Variants in RASAL2 observed in about 807,000 individuals in gnomAD.
RASAL2 encodes ras GTPase-activating protein nGAP.
In RASAL2, 58 loss-of-function variants were observed where a neutral mutation model predicts 128.9. The ratio of observed to expected loss-of-function variants is 0.45; its 90% CI spans 0.36 to 0.56. The LOEUF (loss-of-function observed/expected upper bound fraction) is 0.56, where lower values mean the gene tolerates loss of function less well. RASAL2 is among the 20% of genes least tolerant of loss of function. The probability of loss-of-function intolerance (pLI) is 0.00; values close to 1 mark genes in which losing one functional copy is unlikely to be tolerated. For synonymous variants in RASAL2, 561 were observed against 580.8 expected, an observed-to-expected ratio of 0.97 and a Z score of 0.49; for missense variants, 1,360 against 1,601.6, an observed-to-expected ratio of 0.85 and a Z score of 2.57.
intron 1 of RASAL2, among the ~76,000 whole-genome samples, chr1:178,196,260 A>G (rs138320363): frequency 1.9e-3 from 291 of 152,306 alleles, no homozygotes; most frequent in Admixed American, 4.6e-3. Context: ...GGGGCCATTC[A>G]TATTCATTTA....
chr1:178,307,952 C>T (rs1465378768), intron 3 of RASAL2, among the ~76,000 whole-genome samples: 1 of 152,192 alleles, frequency 6.6e-6, no homozygotes, highest in Non-Finnish European at 1.5e-5. Context: ...CCGAGGCTTT[C>T]TCAGTCCTCA....
chr1:178,100,420 A>G (rs1658850585), intron 1 of RASAL2, among the ~76,000 whole-genome samples: 1 of 151,558 alleles, frequency 6.6e-6, no homozygotes, highest in South Asian at 2.1e-4. Context: ...GCTACTCGGG[A>G]TGCTGAGGCA....
chr1:178,310,441 A>G (rs1398733796), intron 3 of RASAL2, among the ~76,000 whole-genome samples: 1 of 152,164 alleles, frequency 6.6e-6, no homozygotes, highest in Non-Finnish European at 1.5e-5. Context: ...GGAAGTAGTT[A>G]ATTGGGTCTC....
At chr1:178,109,665 C>G (rs1466249075) in intron 1 of RASAL2, among the ~76,000 whole-genome samples, 1 of 151,998 alleles carries the variant, frequency 6.6e-6, no homozygotes, top group Non-Finnish European at 1.5e-5. Flanking sequence ...CTGTTTTGGC[C>G]AGTTTAGCAA....
intron 1 of RASAL2, among the ~76,000 whole-genome samples, chr1:178,200,915 T>C (rs1160667170): frequency 6.6e-6 from 1 of 152,142 alleles, no homozygotes; most frequent in Non-Finnish European, 1.5e-5. Context: ...ATATGCTGCC[T>C]AAGGCAACAG....
intron 1 of RASAL2, among the ~76,000 whole-genome samples, chr1:178,234,038 C>T (rs1233547267): frequency 2.0e-5 from 3 of 152,084 alleles, no homozygotes; most frequent in Non-Finnish European, 4.4e-5. Context: ...ATCATCACTG[C>T]TTCAGAAACC....
At position 178,436,365 on chromosome 1, in the gene RASAL2, G is replaced by A. The variant is rs1336807157; in HGVS notation, c.675-3057G>A. On this transcript the variant is annotated intron_variant, in intron 5 of 17. Coordinates refer to ENST00000367649, the MANE Select transcript of RASAL2 (RefSeq NM_170692.4). ...TGAACTATGTATTAATTAAAATTTC[G>A]GTAACTAGGAAGAGTTTGGAGTTAT... Among the ~76,000 whole-genome samples the A allele has an allele frequency of 5.9e-5, 9 of 152,024 alleles. No individual in the cohort carries two copies. The East Asian group carries it at 9.7e-4, about 16-fold the overall frequency.
At chr1:178,117,038 T>G (rs1440660001) in intron 1 of RASAL2, among the ~76,000 whole-genome samples, 2 of 152,246 alleles carry the variant, frequency 1.3e-5, no homozygotes, top group African/African-American at 4.8e-5. Context: ...TCATTCTGTT[T>G]TCATAACAGA....
chr1:178,235,599 CGTGT>C (rs149134252), intron 1 of RASAL2, among the ~76,000 whole-genome samples: 52 of 150,064 alleles, frequency 3.5e-4, no homozygotes, highest in East Asian at 5.9e-4. Flanking sequence ...GCTTCGTGTG[CGTGT>C]GTGTGTGTGT....
chr1:178,151,697 C>G (rs1660920400), intron 1 of RASAL2, among the ~76,000 whole-genome samples: 1 of 152,192 alleles, frequency 6.6e-6, no homozygotes, highest in East Asian at 1.9e-4. Context: ...AGTCCCCTTC[C>G]ACATTGAATT....
intron 1 of RASAL2, among the ~76,000 whole-genome samples, chr1:178,188,140 T>C (rs987923298): frequency 2.0e-5 from 3 of 152,164 alleles, no homozygotes; most frequent in Non-Finnish European, 4.4e-5. Flanking sequence ...TAATCCTACT[T>C]ACATACACTT....
intron 2 of RASAL2, among the ~76,000 whole-genome samples, chr1:178,299,092 T>A (rs72707006): frequency 0.068 from 10,277 of 152,184 alleles, 461 homozygotes; most frequent in Non-Finnish European, 0.1. Context: ...TGAAATTATG[T>A]CAGAAAAAAT....
chr1:178,171,878 T>A (rs1661718119), intron 1 of RASAL2, among the ~76,000 whole-genome samples: 1 of 152,054 alleles, frequency 6.6e-6, no homozygotes, highest in Non-Finnish European at 1.5e-5. Context: ...GGATTTATCA[T>A]GGCTAATATG....
At chr1:178,366,153 T>A (rs2102496806) in intron 3 of RASAL2, among the ~76,000 whole-genome samples, 1 of 152,282 alleles carries the variant, frequency 6.6e-6, no homozygotes, top group Non-Finnish European at 1.5e-5. Context: ...CTGAAACAGT[T>A]GCTGGTAAAG....
chr1:178,377,631 A>G (rs1672060966), intron 3 of RASAL2, among the ~76,000 whole-genome samples: 1 of 152,134 alleles, frequency 6.6e-6, no homozygotes, highest in Non-Finnish European at 1.5e-5. Flanking sequence ...TTGAAGTTAG[A>G]AAAATCTCTC....
At position 178,172,089 on chromosome 1, in the gene RASAL2, T is replaced by A. The variant is rs969980857; in HGVS notation, c.202+77395T>A. On this transcript the variant is annotated intron_variant, in intron 1 of 17. Coordinates refer to ENST00000367649, the MANE Select transcript of RASAL2 (RefSeq NM_170692.4). ...CAAGGCCTAAGTTTGAAACTGTTAT[T>A]GACTGTTACCTGTTTGGAGAGGTTG... Among the ~76,000 whole-genome samples the A allele has an allele frequency of 2.0e-5, 3 of 152,020 alleles. No individual in the cohort carries two copies. In the South Asian group the frequency reaches 6.2e-4, roughly 32 times the overall value.
chr1:178,418,071 C>T (rs747935835), intron 4 of RASAL2, among the ~76,000 whole-genome samples: 2 of 152,036 alleles, frequency 1.3e-5, no homozygotes, highest in African/African-American at 4.8e-5. Context: ...TGACTAATGA[C>T]AGTGACTCTC....
intron 1 of RASAL2, among the ~76,000 whole-genome samples, chr1:178,169,969 T>G (rs1558093428): frequency 6.6e-6 from 1 of 152,022 alleles, no homozygotes; most frequent in Admixed American, 6.6e-5. Flanking sequence ...GCTAAGTGAT[T>G]ATGAATACAT....
At chr1:178,288,110 A>G (rs987662016) in intron 2 of RASAL2, among the ~76,000 whole-genome samples, 7 of 152,192 alleles carry the variant, frequency 4.6e-5, no homozygotes, top group Non-Finnish European at 1.0e-4. Context: ...AGAAGGATAA[A>G]AATTGTATAT....
Sources: allele counts gnomAD v4.1 joint callset (sites outside exome capture counted in the v4.1 genomes callset), GRCh38; gene constraint gnomAD v4.1.1; transcripts MANE v1.5; gene names NCBI Gene and HGNC (gene_info 2026-07-23, HGNC 2026-07-21).